EXPH5: variants seen among roughly 807,000 people sequenced by gnomAD.
EXPH5 encodes exophilin-5.
A neutral mutation model predicts 41.1 loss-of-function variants in EXPH5; 42 were observed. The observed-to-expected ratio is 1.02, with a 90% confidence interval of 0.80 to 1.32. The LOEUF is 1.32. EXPH5 is among the 40% of genes most tolerant of loss of function. EXPH5 has a pLI of 0.00. For synonymous variants in EXPH5, 798 were observed against 833.5 expected (o/e 0.96, Z 0.73); for missense variants, 2,298 against 2,314.5 (o/e 0.99, Z 0.15).
chr11:108,541,300 A>T (rs1038423603), intron 2 of EXPH5, among the ~76,000 whole-genome samples: 11 of 152,228 alleles, frequency 7.2e-5, no homozygotes, highest in Middle Eastern at 3.2e-3. Flanking sequence ...AGATGAAGCA[A>T]CTGAGGTTTA....
At chr11:108,578,691 GT>G (rs1306318283) in intron 1 of EXPH5, among the ~76,000 whole-genome samples, 1 of 152,094 alleles carries the variant, frequency 6.6e-6, no homozygotes, top group African/African-American at 2.4e-5. Flanking sequence ...ATTTGTTTAT[GT>G]CCTCTTCACT....
At chr11:108,570,238 T>TTTTTTATTATC (rs2094053774) in intron 1 of EXPH5, among the ~76,000 whole-genome samples, 1 of 151,852 alleles carries the variant, frequency 6.6e-6, no homozygotes, top group African/African-American at 2.4e-5. Context: ...TTTTTATTAT[T>TTTTTTATTATC]TTAAAAAATA....
intron 1 of EXPH5, among the ~76,000 whole-genome samples, chr11:108,563,038 A>C (rs531376874): frequency 7.8e-6 from 1 of 128,336 alleles, no homozygotes; most frequent in Non-Finnish European, 1.7e-5. Flanking sequence ...AAAACAAACA[A>C]AAGCCAAATC....
intron 2 of EXPH5, among the ~76,000 whole-genome samples, chr11:108,539,509 T>G (rs1273069988): frequency 6.6e-6 from 1 of 152,210 alleles, no homozygotes; most frequent in Non-Finnish European, 1.5e-5. Context: ...TCCTTAACCA[T>G]GCTGTCCTTC....
intron 1 of EXPH5, among the ~76,000 whole-genome samples, chr11:108,557,464 C>A (rs1033937763): frequency 6.6e-6 from 1 of 152,176 alleles, no homozygotes; most frequent in African/African-American, 2.4e-5. Flanking sequence ...GTGTCTCAGC[C>A]TCCCTAGCAT....
upstream of EXPH5, among the ~76,000 whole-genome samples, chr11:108,594,864 C>T (rs1187592445): frequency 6.6e-6 from 1 of 152,236 alleles, no homozygotes; most frequent in African/African-American, 2.4e-5. Context: ...CCCATTTGAT[C>T]ATCATTATTT....
chr11:108,524,213 T>C (rs2093783025), intron 4 of EXPH5, among the ~76,000 whole-genome samples: 1 of 152,224 alleles, frequency 6.6e-6, no homozygotes, highest in Admixed American at 6.5e-5. Context: ...TTTATATGAC[T>C]TTGGGCAAGT....
chr11:108,562,016 C>T (rs1336715944), intron 1 of EXPH5, among the ~76,000 whole-genome samples: 2 of 152,176 alleles, frequency 1.3e-5, no homozygotes, highest in African/African-American at 2.4e-5. Flanking sequence ...TGAGGACTGG[C>T]CGTGCAGGGT....
At chr11:108,541,889 T>A in intron 1 of EXPH5, 77 bp from the exon 2 acceptor site, 1 of 1,237,378 alleles carries the variant, frequency 8.1e-7, no homozygotes, top group Non-Finnish European at 1.1e-6. Context: ...CAATGTACTT[T>A]TTTTTTGATA....
chr11:108,518,202 T>C, intron 5 of EXPH5, 33 bp downstream of exon 5: 1 of 1,597,084 alleles, frequency 6.3e-7, no homozygotes, highest in South Asian at 1.1e-5. Flanking sequence ...TAGTTATCAG[T>C]AGTTGCAAAG....
At chr11:108,527,384 A>G (rs919660025) in intron 4 of EXPH5, among the ~76,000 whole-genome samples, 1 of 152,066 alleles carries the variant, frequency 6.6e-6, no homozygotes, top group African/African-American at 2.4e-5. Flanking sequence ...TGCTTTTTGC[A>G]AAGAGAGAGG....
chr11:108,509,669 T>G lies in EXPH5; in HGVS notation c.5838A>C (p.Pro1946=). 6.2e-7 allele frequency: 1 copy of G among 1,614,038 alleles called. No individual in the cohort carries two copies. The highest frequency in any genetic ancestry group is 8.5e-7 in the Non-Finnish European group (1 of 1,179,976). Residue 1946 remains proline, a synonymous_variant, in exon 6 of 6, where the codon CCA becomes CCC. Coordinates refer to ENST00000265843, the MANE Select transcript of EXPH5 (RefSeq NM_015065.3). ...LSSNSPSSQV[P]EDGLSPSEPL... ...GTTCACTTGGAGATAAGCCATCTTC[T>G]GGCACCTGACTACTGGGAGAATTTG... is the stretch of plus-strand genomic sequence containing the variant.
chr11:108,571,874 C>T (rs190444861), intron 1 of EXPH5, among the ~76,000 whole-genome samples: 33 of 152,208 alleles, frequency 2.2e-4, no homozygotes, highest in African/African-American at 7.0e-4. Flanking sequence ...CAGTGAAACC[C>T]TGTTTCTACT....
chr11:108,536,037 C>T (rs1340920190), intron 3 of EXPH5, among the ~76,000 whole-genome samples: 1 of 152,126 alleles, frequency 6.6e-6, no homozygotes, highest in African/African-American at 2.4e-5. Context: ...TCCGTGCAAA[C>T]ATGACTTGCA....
Position 108,514,719 on chromosome 11 carries a change from T to C in EXPH5, c.788A>G (p.Tyr263Cys), listed in dbSNP as rs202087544. 3 of 1,609,190 alleles carry C rather than the reference T, an allele frequency of 1.9e-6. No individual in the cohort carries two copies. In the East Asian group the frequency reaches 6.7e-5, roughly 36 times the overall value. The change falls in exon 6 of 6, where the codon TAT (tyrosine) becomes TGT (cysteine). Residue 263 changes from tyrosine (Y) to cysteine (C), a missense_variant. Coordinates refer to ENST00000265843, the MANE Select transcript of EXPH5 (RefSeq NM_015065.3). ...GNITERHKKH[Y>C]NETSNMSIYD... ...GATAGACATATTGGAAGTTTCATTA[T>C]AGTGTTTTTTGTGCCTTTCTGTGAT... is the stretch of plus-strand genomic sequence containing the variant.
At chr11:108,532,362 ATATATTTTTTTTT>A (rs1271298512) in intron 3 of EXPH5, among the ~76,000 whole-genome samples, 4 of 20,144 alleles carry the variant, frequency 2.0e-4, no homozygotes, top group African/African-American at 3.8e-4. Context: ...ATATATATAT[ATATATTTTTTTTT>A]TTTTTTTTTT....
intron 4 of EXPH5, among the ~76,000 whole-genome samples, chr11:108,522,885 A>G (rs999438043): frequency 1.4e-5 from 2 of 145,968 alleles, no homozygotes; most frequent in Non-Finnish European, 3.0e-5. Flanking sequence ...ATCCTTTCCA[A>G]TTTTTTTTTT....
chr11:108,541,614 CA>C, intron 2 of EXPH5, 37 bp downstream of exon 2: 1 of 1,452,004 alleles, frequency 6.9e-7, no homozygotes, highest in South Asian at 1.2e-5. Context: ...GCCACAGAAA[CA>C]AAGAAATCAA....
chr11:108,579,901 A>C (rs1211367354), intron 1 of EXPH5, among the ~76,000 whole-genome samples: 1 of 152,130 alleles, frequency 6.6e-6, no homozygotes, highest in Non-Finnish European at 1.5e-5. Context: ...GGGCGCATAC[A>C]CACTAAAACT....
Sources: allele counts gnomAD v4.1 joint callset (sites outside exome capture counted in the v4.1 genomes callset), GRCh38; gene constraint gnomAD v4.1.1; transcripts MANE v1.5; gene names NCBI Gene and HGNC (gene_info 2026-07-23, HGNC 2026-07-21).